The following FOCAD variants were observed in gnomAD, a reference collection of about 807,000 sequenced individuals.
FOCAD encodes the protein KIAA1797.
In FOCAD, 198 loss-of-function variants were observed where a neutral mutation model predicts 225.6. That is an observed-to-expected ratio of 0.88 (90% CI 0.78 to 0.99). The LOEUF is 0.99. Ranked by LOEUF, FOCAD falls within the 50% of genes least tolerant of loss-of-function variation. The pLI is 0.00. For missense variants in FOCAD, 2,713 were observed against 2,123.6 expected, an observed-to-expected ratio of 1.28 and a Z score of -5.46; for synonymous variants, 897 against 755.0, an observed-to-expected ratio of 1.19 and a Z score of -3.08.
intron 1 of FOCAD, among the ~76,000 whole-genome samples, chr9:20,697,476 T>G (rs1433686186): frequency 6.6e-6 from 1 of 152,224 alleles, no homozygotes; most frequent in African/African-American, 2.4e-5. Context: ...ACTGCCTAAC[T>G]TGCTGACTTG....
intron 15 of FOCAD, among the ~76,000 whole-genome samples, chr9:20,860,132 C>A (rs1328105432): frequency 6.6e-6 from 1 of 152,088 alleles, no homozygotes; most frequent in African/African-American, 2.4e-5. Flanking sequence ...CACCCTTCTT[C>A]CCCTAATATT....
chr9:20,753,592 G>A (rs1828771329), intron 5 of FOCAD, among the ~76,000 whole-genome samples: 1 of 152,036 alleles, frequency 6.6e-6, no homozygotes, highest in East Asian at 1.9e-4. Flanking sequence ...TTGCATCAAT[G>A]TTCATCAAGG....
chr9:20,988,295 A>AC, intron 40 of FOCAD, 37 bp from the exon 41 acceptor site: 1 of 1,313,722 alleles, frequency 7.6e-7, no homozygotes, highest in Non-Finnish European at 1.1e-6. Context: ...TCAAAGGAAA[A>AC]CCATGGTCTA....
At chr9:20,869,076 C>G (rs1478966070) in intron 18 of FOCAD, among the ~76,000 whole-genome samples, 8 of 152,242 alleles carry the variant, frequency 5.3e-5, no homozygotes, top group African/African-American at 1.7e-4. Context: ...CACTATAAAA[C>G]AGTGATGTGA....
At chr9:20,724,049 C>T (rs571681252) in intron 4 of FOCAD, among the ~76,000 whole-genome samples, 3 of 152,314 alleles carry the variant, frequency 2.0e-5, no homozygotes, top group African/African-American at 7.2e-5. Context: ...CAAGAACTCA[C>T]TTGTCACCAA....
At chr9:20,898,271 G>A (rs1832271228) in intron 21 of FOCAD, among the ~76,000 whole-genome samples, 1 of 151,254 alleles carries the variant, frequency 6.6e-6, no homozygotes, top group Admixed American at 6.6e-5. Flanking sequence ...GTGGTTTGAT[G>A]TCTGACATTA....
chr9:20,716,852 C>G (rs1234836767), intron 2 of FOCAD, among the ~76,000 whole-genome samples: 1 of 152,122 alleles, frequency 6.6e-6, no homozygotes, highest in African/African-American at 2.4e-5. Context: ...TAAAAGAACT[C>G]TTGTGTGACT....
chr9:20,874,119 C>A (rs1395322125), intron 18 of FOCAD: 1 of 152,002 alleles, frequency 6.6e-6, no homozygotes, highest in African/African-American at 2.4e-5. Flanking sequence ...GTACAGCTAC[C>A]AATTACAGAT....
intron 5 of FOCAD, among the ~76,000 whole-genome samples, chr9:20,743,573 G>C (rs4977695): frequency 0.93 from 141,571 of 152,216 alleles, 66,011 homozygotes; most frequent in African/African-American, 0.98. Context: ...TGAAGGAGCT[G>C]TAGAGATGGT....
At chr9:20,863,072 G>A (rs1828921375) in intron 16 of FOCAD, 1 of 159,654 alleles carries the variant, frequency 6.3e-6, no homozygotes, top group South Asian at 2.0e-4. Flanking sequence ...AGGCAGGACA[G>A]ACTCTCCAAA....
At chr9:20,927,310 T>A (rs1046158956) in intron 26 of FOCAD, among the ~76,000 whole-genome samples, 1 of 152,152 alleles carries the variant, frequency 6.6e-6, no homozygotes, top group African/African-American at 2.4e-5. Flanking sequence ...TTGAAAAATA[T>A]CATCTATAGT....
chr9:20,847,183 C>T (rs1382437305), intron 15 of FOCAD, among the ~76,000 whole-genome samples: 1 of 151,992 alleles, frequency 6.6e-6, no homozygotes, highest in African/African-American at 2.4e-5. Flanking sequence ...TTCATCATCC[C>T]CAAAAGGAAC....
intron 15 of FOCAD, among the ~76,000 whole-genome samples, chr9:20,839,581 G>C (rs1287210118): frequency 1.3e-5 from 2 of 151,700 alleles, no homozygotes; most frequent in Non-Finnish European, 1.5e-5. Context: ...TATTCTTTAT[G>C]GTTATGCTTA....
rs150627364 is a variant in FOCAD at position 20,992,756 on chromosome 9, G to A, written c.5257-497G>A. 2.2e-4 allele frequency among the ~76,000 whole-genome samples: 34 copies of A among 152,150 alleles called. 1 individual carries two copies. Among genetic ancestry groups the A allele is most frequent in the Middle Eastern group, 3.4e-3 (1 of 294 alleles). ...AGTTGAATCACAAGGTCAAGAGATC[G>A]AGACCATCCTGGCCATCATGGTAAA... On this transcript the variant is annotated intron_variant, in intron 42 of 43. Coordinates refer to ENST00000338382, the MANE Select transcript of FOCAD (RefSeq NM_001375567.1).
chr9:20,902,614 A>G (rs1312497141), intron 21 of FOCAD, among the ~76,000 whole-genome samples: 1 of 152,072 alleles, frequency 6.6e-6, no homozygotes, highest in Middle Eastern at 3.4e-3. Flanking sequence ...ATGTGTTAGG[A>G]CAAGGAAAGA....
intron 15 of FOCAD, among the ~76,000 whole-genome samples, chr9:20,823,922 A>G (rs1824602939): frequency 6.6e-6 from 1 of 152,120 alleles, no homozygotes; most frequent in African/African-American, 2.4e-5. Flanking sequence ...ACTCTGCAGT[A>G]TAGGGATTAA....
At chr9:20,850,649 C>T (rs1587396651) in intron 15 of FOCAD, among the ~76,000 whole-genome samples, 1 of 151,610 alleles carries the variant, frequency 6.6e-6, no homozygotes, top group African/African-American at 2.4e-5. Flanking sequence ...AAGACTCCTA[C>T]CTTCAGTTAT....
rs376862300 is a variant in FOCAD, at chr9:20,740,334, C to T, written c.386C>T (p.Thr129Ile). ...GAAAAGAATATTCAGAGTATATATA[C>T]CATTAGGTAAGCCTTTTTTCTGTTT... ...GGEKNIQSIY[T>I]IRNHPHPLIT... Residue 129 changes from threonine (T) to isoleucine (I), a missense_variant, in exon 5 of 44, where the codon ACC becomes ATC. Coordinates refer to ENST00000338382, the MANE Select transcript of FOCAD (RefSeq NM_001375567.1). 11 of 1,550,930 alleles carry T rather than the reference C, an allele frequency of 7.1e-6. No homozygotes were observed. Among genetic ancestry groups the T allele is most frequent in the Non-Finnish European group, 9.6e-6 (11 of 1,143,324 alleles).
At chr9:20,865,854 C>A in intron 16 of FOCAD, 72 bp from the exon 17 acceptor site, 1 of 1,051,026 alleles carries the variant, frequency 9.5e-7, no homozygotes, top group Non-Finnish European at 1.4e-6. Context: ...TCATTATTTG[C>A]TACTTTGGAT....
Sources: allele counts gnomAD v4.1 joint callset (sites outside exome capture counted in the v4.1 genomes callset), GRCh38; gene constraint gnomAD v4.1.1; transcripts MANE v1.5; gene names NCBI Gene and HGNC (gene_info 2026-07-23, HGNC 2026-07-21).